SPAG16: variants seen among roughly 807,000 people sequenced by gnomAD.
SPAG16 encodes sperm-associated antigen 16 protein.
SPAG16 carries 86 observed loss-of-function variants against 80.4 expected under a neutral mutation model. The ratio of observed to expected loss-of-function variants is 1.07; its 90% confidence interval spans 0.90 to 1.28. The LOEUF (loss-of-function observed/expected upper bound fraction) is 1.28, where lower values mean the gene tolerates loss of function less well. SPAG16 is among the 50% of genes most tolerant of loss of function. The pLI, the probability that SPAG16 is intolerant of heterozygous loss-of-function variation, is 0.00. For missense variants in SPAG16, 870 were observed against 765.3 expected, an observed-to-expected ratio of 1.14 and a Z score of -1.61; for synonymous variants, 294 against 265.9, an observed-to-expected ratio of 1.11 and a Z score of -1.03.
intron 15 of SPAG16, among the ~76,000 whole-genome samples, chr2:214,314,959 TA>T (rs71037365): frequency 1.8e-3 from 259 of 145,452 alleles, no homozygotes; most frequent in Middle Eastern, 3.5e-3. Flanking sequence ...GATACTGTAT[TA>T]AAAAAAAAAA....
intron 9 of SPAG16, among the ~76,000 whole-genome samples, chr2:213,429,077 G>A (rs1006375704): frequency 7.0e-6 from 1 of 143,670 alleles, no homozygotes; most frequent in Non-Finnish European, 1.5e-5. Flanking sequence ...GGGTGACAGT[G>A]TGAGACTCCA....
chr2:213,473,464 A>T (rs181057273), intron 9 of SPAG16, among the ~76,000 whole-genome samples: 14 of 152,290 alleles, frequency 9.2e-5, no homozygotes, highest in Admixed American at 6.5e-4. Flanking sequence ...TGGTCAAGTT[A>T]TATCTTCTGG....
At chr2:213,799,261 T>C (rs1350892701) in intron 10 of SPAG16, among the ~76,000 whole-genome samples, 1 of 152,198 alleles carries the variant, frequency 6.6e-6, no homozygotes, top group Non-Finnish European at 1.5e-5. Context: ...CAATGTTTTA[T>C]AGTTTCGAGT....
intron 15 of SPAG16, among the ~76,000 whole-genome samples, chr2:214,262,448 A>C (rs553361960): frequency 6.6e-6 from 1 of 152,170 alleles, no homozygotes; most frequent in Admixed American, 6.6e-5. Flanking sequence ...TCATTATCTT[A>C]ACAATAATGT....
At chr2:213,389,228 G>A (rs557493578) in intron 9 of SPAG16, among the ~76,000 whole-genome samples, 52 of 152,128 alleles carry the variant, frequency 3.4e-4, no homozygotes, top group Non-Finnish European at 5.7e-4. Context: ...AAATAATAAA[G>A]TTGGACCCTT....
At chr2:213,572,504 G>A (rs554879292) in intron 10 of SPAG16, among the ~76,000 whole-genome samples, 1,961 of 150,938 alleles carry the variant, frequency 0.013, 18 homozygotes, top group South Asian at 0.036. Context: ...GCCGTGTGAG[G>A]TGTCAGTATG....
rs190122411 is a variant in SPAG16 at position 214,111,598 on chromosome 2, T to C, written c.1593+3337T>C. On this transcript the variant is annotated intron_variant, in intron 14 of 15. Coordinates refer to ENST00000331683, the MANE Select transcript of SPAG16 (RefSeq NM_024532.5). ...CAGCTTTGTTCTTTTTGCTTAGCAC[T>C]GTCTTGGCAATGCAGGCTCTTTTTT... 7.9e-5 allele frequency among the ~76,000 whole-genome samples: 12 copies of C among 152,340 alleles called. No homozygotes were observed. In the East Asian group the frequency reaches 1.2e-3, roughly 15 times the overall value.
At chr2:213,353,183 T>C (rs938006848) in intron 7 of SPAG16, among the ~76,000 whole-genome samples, 2 of 152,216 alleles carry the variant, frequency 1.3e-5, no homozygotes, top group African/African-American at 4.8e-5. Flanking sequence ...CCTGGGTAGT[T>C]CTTTTGTATG....
At chr2:213,953,807 T>TA (rs1401293199) in intron 12 of SPAG16, among the ~76,000 whole-genome samples, 1 of 151,484 alleles carries the variant, frequency 6.6e-6, no homozygotes, top group African/African-American at 2.4e-5. Flanking sequence ...ATCCTTTACA[T>TA]AAAAAAATGA....
chr2:214,251,746 G>T (rs1476038262), intron 15 of SPAG16, among the ~76,000 whole-genome samples: 1 of 152,112 alleles, frequency 6.6e-6, no homozygotes, highest in East Asian at 1.9e-4. Context: ...CACTGCCTCA[G>T]ACATGTTCCA....
chr2:214,260,866 G>A (rs1162583396), intron 15 of SPAG16, among the ~76,000 whole-genome samples: 1 of 149,632 alleles, frequency 6.7e-6, no homozygotes, highest in Non-Finnish European at 1.5e-5. Context: ...CAGCACTTTG[G>A]GAGGCTAAGG....
intron 13 of SPAG16, among the ~76,000 whole-genome samples, chr2:214,039,586 A>G (rs1037839710): frequency 6.6e-6 from 1 of 152,036 alleles, no homozygotes; most frequent in African/African-American, 2.4e-5. Context: ...TCTGCAATGA[A>G]CTCCAACAAA....
chr2:214,122,770 C>G (rs1048313294), intron 14 of SPAG16, among the ~76,000 whole-genome samples: 1 of 151,704 alleles, frequency 6.6e-6, no homozygotes, highest in Non-Finnish European at 1.5e-5. Context: ...ATTACTGCAC[C>G]AAGATGATGC....
chr2:214,358,424 C>T (rs1180560793), intron 15 of SPAG16, among the ~76,000 whole-genome samples: 4 of 151,902 alleles, frequency 2.6e-5, no homozygotes, highest in African/African-American at 7.3e-5. Context: ...CAAACTATAG[C>T]CCACTCTCCC....
chr2:214,408,570 T>C (rs977378684), intron 15 of SPAG16, among the ~76,000 whole-genome samples: 5 of 152,234 alleles, frequency 3.3e-5, no homozygotes, highest in African/African-American at 9.6e-5. Flanking sequence ...TTTATAACTT[T>C]TCTCTGTTTT....
chr2:213,405,372 A>G (rs969437406), intron 9 of SPAG16, among the ~76,000 whole-genome samples: 1 of 152,208 alleles, frequency 6.6e-6, no homozygotes, highest in Non-Finnish European at 1.5e-5. Flanking sequence ...ACACATATAT[A>G]TGGGGTACAT....
At chr2:213,791,756 C>A (rs546201311) in intron 10 of SPAG16, among the ~76,000 whole-genome samples, 1 of 151,994 alleles carries the variant, frequency 6.6e-6, no homozygotes, top group Non-Finnish European at 1.5e-5. Flanking sequence ...TTAAGACAGG[C>A]CCTTATCATT....
At chr2:214,346,315 A>G (rs1698047856) in intron 15 of SPAG16, among the ~76,000 whole-genome samples, 1 of 152,172 alleles carries the variant, frequency 6.6e-6, no homozygotes, top group Non-Finnish European at 1.5e-5. Context: ...TTAAATGTTC[A>G]TTTCTCTTAT....
intron 15 of SPAG16, among the ~76,000 whole-genome samples, chr2:214,232,861 G>C (rs1050337524): frequency 1.3e-5 from 2 of 151,708 alleles, no homozygotes; most frequent in African/African-American, 4.8e-5. Context: ...AAAGCCAGGG[G>C]CATTAGTTAA....
Sources: allele counts gnomAD v4.1 joint callset (sites outside exome capture counted in the v4.1 genomes callset), GRCh38; gene constraint gnomAD v4.1.1; transcripts MANE v1.5; gene names NCBI Gene and HGNC (gene_info 2026-07-23, HGNC 2026-07-21).